Variants in KCNMA1 observed in about 807,000 individuals in gnomAD.
KCNMA1 encodes the protein potassium calcium-activated channel subfamily M alpha 1.
A neutral mutation model predicts 140.0 loss-of-function variants in KCNMA1; 29 were observed. The observed-to-expected ratio is 0.21, with a 90% confidence interval of 0.15 to 0.28. The LOEUF (loss-of-function observed/expected upper bound fraction) is 0.28, where lower values mean the gene tolerates loss of function less well. KCNMA1 is among the 10% of genes least tolerant of loss of function. The probability of loss-of-function intolerance (pLI) is 1.00; values close to 1 mark genes in which losing one functional copy is unlikely to be tolerated. For synonymous variants in KCNMA1, 612 were observed against 611.9 expected (o/e 1.00, Z 0.00); for missense variants, 880 against 1,602.2 (o/e 0.55, Z 7.70).
intron 2 of KCNMA1, among the ~76,000 whole-genome samples, chr10:77,316,405 G>T (rs912935877): frequency 1.3e-5 from 2 of 152,192 alleles, no homozygotes; most frequent in African/African-American, 4.8e-5. Flanking sequence ...TGAAAAGGAA[G>T]ACTCGTTGTA....
At position 76,885,475 on chromosome 10, in the gene KCNMA1, C is replaced by T; in HGVS notation, c.*1791G>A. On this transcript the variant is annotated 3_prime_UTR_variant, in exon 28 of 28. Transcript: ENST00000286628. ...GCCTCACCATTTGTCAGTAAAAGTG[C>T]TTGTCAATTCACACAGCAAGCAAAT... The T allele has an allele frequency of 1.0e-6, 1 of 985,202 alleles. No individual in the cohort carries two copies. Among genetic ancestry groups the T allele is most frequent in the South Asian group, 4.7e-5 (1 of 21,288 alleles). The allele number at this position is 985,202 out of a possible 1,614,324, so 61.0% of individuals were successfully genotyped here.
intron 20 of KCNMA1, among the ~76,000 whole-genome samples, chr10:76,962,821 C>T (rs141416896): frequency 7.4e-4 from 113 of 152,308 alleles, no homozygotes; most frequent in Admixed American, 2.7e-3. Flanking sequence ...AGTCCCCAAA[C>T]ACTCTTCAAG....
intron 3 of KCNMA1, among the ~76,000 whole-genome samples, chr10:77,205,237 T>C (rs890357172): frequency 6.6e-6 from 1 of 152,214 alleles, no homozygotes; most frequent in Non-Finnish European, 1.5e-5. Context: ...TCAAATGATA[T>C]ATTTTTTTGT....
At chr10:77,025,692 C>A (rs2153516702) in intron 16 of KCNMA1, among the ~76,000 whole-genome samples, 1 of 151,914 alleles carries the variant, frequency 6.6e-6, no homozygotes, top group East Asian at 1.9e-4. Flanking sequence ...AATTTTCACA[C>A]CCAGTCAGTT....
At chr10:77,179,424 G>A (rs2098784114) in intron 5 of KCNMA1, among the ~76,000 whole-genome samples, 1 of 152,236 alleles carries the variant, frequency 6.6e-6, no homozygotes, top group South Asian at 2.1e-4. Flanking sequence ...GCATTCTTCT[G>A]GTCCTCCTGG....
At chr10:76,914,521 T>C (rs369279752) in intron 24 of KCNMA1, 4 of 335,288 alleles carry the variant, frequency 1.2e-5, no homozygotes, top group Admixed American at 4.6e-5. Context: ...TTGGCTTAGA[T>C]CCGAGGCTTT....
intron 17 of KCNMA1, among the ~76,000 whole-genome samples, chr10:77,017,044 T>C (rs948713178): frequency 8.5e-5 from 13 of 152,218 alleles, no homozygotes; most frequent in African/African-American, 2.9e-4. Flanking sequence ...CATGGAAAAT[T>C]ACAGCCTGGT....
intron 3 of KCNMA1, among the ~76,000 whole-genome samples, chr10:77,187,262 G>A (rs568280593): frequency 6.6e-6 from 1 of 152,310 alleles, no homozygotes; most frequent in Admixed American, 6.5e-5. Flanking sequence ...ATGGAAACAG[G>A]TATTGAGAAG....
chr10:77,219,023 A>C (rs1437339575), intron 3 of KCNMA1, among the ~76,000 whole-genome samples: 2 of 152,112 alleles, frequency 1.3e-5, no homozygotes, highest in African/African-American at 4.8e-5. Context: ...TTTTAGAGCT[A>C]GCCCAAATTC....
chr10:77,409,248 G>C (rs530098400), intron 1 of KCNMA1, among the ~76,000 whole-genome samples: 1 of 152,268 alleles, frequency 6.6e-6, no homozygotes, highest in East Asian at 1.9e-4. Context: ...GGCATTTCCC[G>C]CTGAATCACA....
intron 2 of KCNMA1, among the ~76,000 whole-genome samples, chr10:77,387,590 T>TTCTTTTCTTTTCTTTTTTTTCTTTTC (rs2095656989): frequency 7.5e-6 from 1 of 133,622 alleles, no homozygotes; most frequent in Non-Finnish European, 1.6e-5. Context: ...CTTTTCTCTT[T>TTCTTTTCTTTTCTTTTTTTTCTTTTC]TCTTTTCTTT....
At chr10:77,596,461 GCTA>G (rs2080964233) in intron 1 of KCNMA1, among the ~76,000 whole-genome samples, 1 of 152,102 alleles carries the variant, frequency 6.6e-6, no homozygotes, top group Admixed American at 6.5e-5. Flanking sequence ...AATACATTTG[GCTA>G]CTAAACAGAT....
chr10:77,288,571 T>C (rs1271426011), intron 2 of KCNMA1, among the ~76,000 whole-genome samples: 1 of 152,218 alleles, frequency 6.6e-6, no homozygotes, highest in Non-Finnish European at 1.5e-5. Flanking sequence ...TTATCATCCC[T>C]ATTTTACCAG....
chr10:76,931,658 G>C (rs2059316363), intron 23 of KCNMA1, among the ~76,000 whole-genome samples: 1 of 152,142 alleles, frequency 6.6e-6, no homozygotes, highest in Non-Finnish European at 1.5e-5. Flanking sequence ...GGTTGGAAGT[G>C]TATGAGGTTT....
chr10:77,356,542 C>T (rs2093495841), intron 2 of KCNMA1, among the ~76,000 whole-genome samples: 1 of 152,136 alleles, frequency 6.6e-6, no homozygotes, highest in Non-Finnish European at 1.5e-5. Flanking sequence ...CATCCAGGAG[C>T]AAGATGGCAG....
chr10:77,168,132 G>A (rs193174235), intron 5 of KCNMA1, among the ~76,000 whole-genome samples: 1 of 152,120 alleles, frequency 6.6e-6, no homozygotes, highest in East Asian at 1.9e-4. Flanking sequence ...TAAACCGTGG[G>A]TATATAGTAG....
At chr10:76,969,578 T>C (rs989686675) in intron 20 of KCNMA1, among the ~76,000 whole-genome samples, 1 of 152,108 alleles carries the variant, frequency 6.6e-6, no homozygotes, top group Admixed American at 6.6e-5. Flanking sequence ...CAGAAAACAG[T>C]CCTCGGAGGG....
At chr10:77,089,556 C>T (rs1000032138) in intron 10 of KCNMA1, among the ~76,000 whole-genome samples, 1 of 152,148 alleles carries the variant, frequency 6.6e-6, no homozygotes. Context: ...CCTTGCTTTC[C>T]TCCCCTGTAA....
intron 1 of KCNMA1, among the ~76,000 whole-genome samples, chr10:77,575,603 A>C (rs1446856931): frequency 6.6e-6 from 1 of 152,214 alleles, no homozygotes; most frequent in African/African-American, 2.4e-5. Context: ...TAGTCTACCC[A>C]ACTGATAGCT....
Sources: allele counts gnomAD v4.1 joint callset (sites outside exome capture counted in the v4.1 genomes callset), GRCh38; gene constraint gnomAD v4.1.1; transcripts MANE v1.5; gene names NCBI Gene and HGNC (gene_info 2026-07-23, HGNC 2026-07-21).